CLIP4: variants seen among roughly 807,000 people sequenced by gnomAD.
The protein encoded by CLIP4 is CAP-Gly domain-containing linker protein 4.
CLIP4 carries 47 observed loss-of-function variants against 73.1 expected under a neutral mutation model. The ratio of observed to expected loss-of-function variants is 0.64; its 90% confidence interval spans 0.51 to 0.82. The LOEUF is 0.82. Among genes scored for constraint, CLIP4 ranks in the 40% least tolerant of loss-of-function variants. CLIP4 has a pLI of 0.00. For missense variants in CLIP4, 874 were observed against 852.9 expected (o/e 1.02, Z -0.31); for synonymous variants, 306 against 295.4 (o/e 1.04, Z -0.37).
chr2:29,129,767 A>G (rs1664844557), intron 2 of CLIP4, among the ~76,000 whole-genome samples: 2 of 152,152 alleles, frequency 1.3e-5, no homozygotes, highest in Admixed American at 6.5e-5. Context: ...CTCCTCCTTC[A>G]AGGGCACTCC....
intron 7 of CLIP4, 24 bp downstream of exon 7, chr2:29,143,969 T>G: frequency 6.3e-7 from 1 of 1,592,288 alleles, no homozygotes; most frequent in Non-Finnish European, 8.6e-7. Flanking sequence ...CTGCAATCTC[T>G]GAAGCCAGGG....
chr2:29,151,107 A>C (rs976667904), intron 8 of CLIP4, among the ~76,000 whole-genome samples: 6 of 152,150 alleles, frequency 3.9e-5, no homozygotes, highest in African/African-American at 1.4e-4. Flanking sequence ...CCTCCTATTT[A>C]GAGTATTTTC....
At chr2:29,177,355 G>A (rs1040776312) in intron 15 of CLIP4, among the ~76,000 whole-genome samples, 1 of 149,982 alleles carries the variant, frequency 6.7e-6, no homozygotes, top group African/African-American at 2.5e-5. Flanking sequence ...GTTTCATTGA[G>A]CCAAGATCAT....
At position 29,130,004 on chromosome 2, in the gene CLIP4, G is replaced by A. The variant is rs116693628; in HGVS notation, c.134-1254G>A. ...TGCTCTGGAACACAGGGAATCATGTGTTTCACCCTTCCCCCTTTTGAACAG... is the reference window on the plus strand; with the variant it reads ...TGCTCTGGAACACAGGGAATCATGTATTTCACCCTTCCCCCTTTTGAACAG... On this transcript the variant is annotated intron_variant, in intron 2 of 15. Transcript: ENST00000320081. 4,156 of 471,032 alleles carry A rather than the reference G, an allele frequency of 8.8e-3. 81 individuals are homozygous for A. The highest frequency in any genetic ancestry group is 0.049 in the East Asian group (703 of 14,382). The allele number at this position is 471,032 out of a possible 1,614,324, so 29.2% of individuals were successfully genotyped here.
chr2:29,107,411 G>A (rs13402665), intron 1 of CLIP4, among the ~76,000 whole-genome samples: 21 of 111,512 alleles, frequency 1.9e-4, no homozygotes, highest in East Asian at 8.9e-4. Flanking sequence ...TCACTCTGTC[G>A]CCCAGGCTGG....
At chr2:29,126,418 C>T (rs1261032739) in intron 2 of CLIP4, among the ~76,000 whole-genome samples, 1 of 152,190 alleles carries the variant, frequency 6.6e-6, no homozygotes, top group Non-Finnish European at 1.5e-5. Context: ...TTTATATTAT[C>T]TATCCCTTTG....
intron 1 of CLIP4, among the ~76,000 whole-genome samples, chr2:29,108,597 C>A (rs186268115): frequency 9.3e-4 from 142 of 152,282 alleles, no homozygotes; most frequent in African/African-American, 3.2e-3. Flanking sequence ...AGAAGACTAC[C>A]GTACCCACCA....
intron 15 of CLIP4, among the ~76,000 whole-genome samples, chr2:29,175,207 C>T (rs1434261086): frequency 1.3e-5 from 2 of 152,138 alleles, no homozygotes; most frequent in East Asian, 1.9e-4. Context: ...TACCTTCTGG[C>T]ATGAAGGTAT....
At chr2:29,161,359 A>G (rs1166606231) in intron 12 of CLIP4, among the ~76,000 whole-genome samples, 1 of 152,198 alleles carries the variant, frequency 6.6e-6, no homozygotes, top group East Asian at 1.9e-4. Context: ...TTAGATAGCA[A>G]TATGCTATTT....
At chr2:29,146,262 T>C (rs750489609) in intron 8 of CLIP4, among the ~76,000 whole-genome samples, 1 of 152,114 alleles carries the variant, frequency 6.6e-6, no homozygotes, top group African/African-American at 2.4e-5. Context: ...CAGACCTCCC[T>C]CAAATCCTGC....
At chr2:29,149,863 A>AT (rs1380626732) in intron 8 of CLIP4, among the ~76,000 whole-genome samples, 2 of 152,146 alleles carry the variant, frequency 1.3e-5, no homozygotes, top group African/African-American at 4.8e-5. Context: ...TCCTGGTGAG[A>AT]TTTTTTTGTT....
chr2:29,105,202 C>T (rs77683615), intron 1 of CLIP4, among the ~76,000 whole-genome samples: 4 of 152,096 alleles, frequency 2.6e-5, no homozygotes, highest in African/African-American at 4.8e-5. Context: ...TTTTAAATGC[C>T]GGTTGGTGTT....
intron 1 of CLIP4, 23 bp from the exon 2 acceptor site, chr2:29,121,351 T>A (rs1057312811): frequency 6.5e-7 from 1 of 1,537,464 alleles, no homozygotes; most frequent in Non-Finnish European, 8.7e-7. Context: ...GTAGAAACAC[T>A]TTTTTTTTCT....
At chr2:29,178,090 AG>A (rs1264787541) in intron 15 of CLIP4, among the ~76,000 whole-genome samples, 1 of 152,234 alleles carries the variant, frequency 6.6e-6, no homozygotes, top group African/African-American at 2.4e-5. Flanking sequence ...AAATGCAAAA[AG>A]GTCATCTGTA....
At chr2:29,126,824 G>C (rs1181719731) in intron 2 of CLIP4, among the ~76,000 whole-genome samples, 1 of 152,228 alleles carries the variant, frequency 6.6e-6, no homozygotes, top group Non-Finnish European at 1.5e-5. Context: ...TCCAGTAGGG[G>C]TTGGGGAAAA....
intron 15 of CLIP4, among the ~76,000 whole-genome samples, 192 bp from the exon 16 acceptor site, chr2:29,181,380 G>A (rs1668633829): frequency 6.6e-6 from 1 of 152,130 alleles, no homozygotes. Context: ...CTTCAAACCT[G>A]TGTAGTTCAT....
chr2:29,114,655 C>T (rs1391196383), upstream of CLIP4, among the ~76,000 whole-genome samples: 1 of 152,142 alleles, frequency 6.6e-6, no homozygotes, highest in African/African-American at 2.4e-5. Flanking sequence ...CTCCGGGGTG[C>T]GGTGAGCGCT....
At chr2:29,153,588 C>A (rs1270159489) in intron 9 of CLIP4, among the ~76,000 whole-genome samples, 3 of 152,092 alleles carry the variant, frequency 2.0e-5, no homozygotes, top group African/African-American at 7.2e-5. Flanking sequence ...ATTCTCTCGG[C>A]AAAATTTTAA....
intron 2 of CLIP4, chr2:29,130,065 T>A (rs1664865568): frequency 2.1e-6 from 1 of 469,490 alleles, no homozygotes; most frequent in Non-Finnish European, 4.4e-6. Flanking sequence ...CAGCAAAGGT[T>A]GTTCAGCATA....
Sources: gnomAD v4.1 joint callset for allele counts (sites outside exome capture counted in the v4.1 genomes callset) on GRCh38, gnomAD v4.1.1 for gene constraint, MANE v1.5 for transcripts, NCBI Gene and HGNC (gene_info 2026-07-23, HGNC 2026-07-21) for gene names.